Variants in PLCE1 observed in about 807,000 individuals in gnomAD.
The protein encoded by PLCE1 is 1-phosphatidylinositol 4,5-bisphosphate phosphodiesterase epsilon-1.
In PLCE1, 119 loss-of-function variants were observed where a neutral mutation model predicts 242.8. The observed-to-expected ratio is 0.49, with a 90% CI of 0.42 to 0.57. The LOEUF (loss-of-function observed/expected upper bound fraction) is 0.57. Ranked by LOEUF, PLCE1 falls within the 20% of genes least tolerant of loss-of-function variation. The probability of loss-of-function intolerance (pLI) is 0.00; values close to 1 mark genes in which losing one functional copy is unlikely to be tolerated. For synonymous variants in PLCE1, 945 were observed against 1,017.4 expected (o/e 0.93, Z 1.35); for missense variants, 2,441 against 2,788.8 (o/e 0.88, Z 2.81).
At chr10:94,060,695 C>CTT (rs754927815) in intron 2 of PLCE1, among the ~76,000 whole-genome samples, 21 of 139,768 alleles carry the variant, frequency 1.5e-4, no homozygotes, top group African/African-American at 1.6e-4. Flanking sequence ...CATTATTTAA[C>CTT]TTTTTTTTTT....
chr10:94,239,015 A>G (rs1039720885), intron 7 of PLCE1, among the ~76,000 whole-genome samples: 2 of 152,186 alleles, frequency 1.3e-5, no homozygotes, highest in African/African-American at 4.8e-5. Context: ...GAATCTTACT[A>G]AGCCTCAGTT....
intron 2 of PLCE1, among the ~76,000 whole-genome samples, chr10:94,073,404 G>A (rs2044416145): frequency 1.3e-5 from 2 of 152,164 alleles, no homozygotes; most frequent in South Asian, 4.1e-4. Context: ...AAATTGTCAG[G>A]AATGGCTTCA....
intron 3 of PLCE1, among the ~76,000 whole-genome samples, chr10:94,136,512 T>C: frequency 6.6e-6 from 1 of 152,182 alleles, no homozygotes; most frequent in South Asian, 2.1e-4. Flanking sequence ...GCTCCTCTTC[T>C]GGAAGTGGTT....
At chr10:94,010,580 C>T (rs911557940) in intron 1 of PLCE1, among the ~76,000 whole-genome samples, 8 of 152,156 alleles carry the variant, frequency 5.3e-5, no homozygotes, top group Non-Finnish European at 7.3e-5. Flanking sequence ...AATAAGAGTT[C>T]GAACTTTAAG....
intron 7 of PLCE1, among the ~76,000 whole-genome samples, chr10:94,236,934 A>G (rs2050344761): frequency 6.6e-6 from 1 of 152,204 alleles, no homozygotes; most frequent in Non-Finnish European, 1.5e-5. Flanking sequence ...AAGAATAACT[A>G]TGAATAATTG....
chr10:94,003,465 T>A (rs1183633800), intron 1 of PLCE1, among the ~76,000 whole-genome samples: 5 of 152,380 alleles, frequency 3.3e-5, no homozygotes, highest in Non-Finnish European at 7.3e-5. Flanking sequence ...GCAATTCTGC[T>A]GTGGCAGTTC....
At chr10:94,288,988 G>GC (rs2052557082) in intron 22 of PLCE1, among the ~76,000 whole-genome samples, 1 of 152,160 alleles carries the variant, frequency 6.6e-6, no homozygotes, top group African/African-American at 2.4e-5. Context: ...GAGAGCCTTG[G>GC]CCATCCCCCA....
chr10:94,107,870 C>A (rs2045811474), intron 2 of PLCE1: 2 of 152,054 alleles, frequency 1.3e-5, no homozygotes, highest in Non-Finnish European at 2.9e-5. Flanking sequence ...CATGAGATTT[C>A]CTTTGTGAGG....
At chr10:94,125,245 A>G (rs1258093835) in intron 2 of PLCE1, among the ~76,000 whole-genome samples, 2 of 152,234 alleles carry the variant, frequency 1.3e-5, no homozygotes, top group Non-Finnish European at 2.9e-5. Flanking sequence ...ACAAAAAGTG[A>G]TGGAGGGATT....
intron 1 of PLCE1, among the ~76,000 whole-genome samples, chr10:94,001,773 C>G (rs1339856586): frequency 6.6e-6 from 1 of 152,186 alleles, no homozygotes. Context: ...ATTGATTCAG[C>G]GTGTTTTTCA....
chr10:94,329,803 A>AAAAAAAAAC lies in PLCE1; in HGVS notation c.*1862_*1870dup. On this transcript the variant is annotated 3_prime_UTR_variant, in exon 33 of 33. Transcript: ENST00000371380. ...AAAAAAAAAAAAAAAAAAAAAAAAA[A>AAAAAAAAAC]AAAAAAAACACCATACAGCTTTCAT... The AAAAAAAAAC allele has an allele frequency of 6.7e-6, 1 of 149,628 alleles. No homozygotes were observed. Among genetic ancestry groups the AAAAAAAAAC allele is most frequent in the Non-Finnish European group, 1.5e-5 (1 of 67,894 alleles). The allele number at this position is 149,628 out of a possible 1,614,324, so 9.3% of individuals were successfully genotyped here.
chr10:94,286,503 A>G (rs1486296370), intron 22 of PLCE1, among the ~76,000 whole-genome samples: 3 of 152,218 alleles, frequency 2.0e-5, no homozygotes, highest in African/African-American at 7.2e-5. Context: ...AATCACAGTT[A>G]GGTAATAGTG....
chr10:94,275,188 T>G (rs1178098021), intron 19 of PLCE1, among the ~76,000 whole-genome samples: 1 of 152,166 alleles, frequency 6.6e-6, no homozygotes, highest in African/African-American at 2.4e-5. Flanking sequence ...TCTTCCTTCC[T>G]TTTCCTCCTT....
chr10:94,224,003 G>A (rs764445700), intron 4 of PLCE1, among the ~76,000 whole-genome samples: 4 of 151,872 alleles, frequency 2.6e-5, no homozygotes, highest in African/African-American at 9.7e-5. Context: ...TATAACTAGC[G>A]GTGGCCCTCT....
intron 3 of PLCE1, among the ~76,000 whole-genome samples, chr10:94,134,720 G>A (rs1017303762): frequency 2.2e-4 from 34 of 152,154 alleles, no homozygotes; most frequent in African/African-American, 8.2e-4. Context: ...CTGCTGGTGT[G>A]TGCATCTATG....
chr10:94,255,067 T>C lies in PLCE1; in HGVS notation c.3554+18T>C. 1 of 1,613,230 alleles carries C rather than the reference T, an allele frequency of 6.2e-7. No individual in the cohort carries two copies. The highest frequency in any genetic ancestry group is 1.7e-5 in the Admixed American group (1 of 60,014). ...CCATCCAGGTGGGGCCTTAACATGA[T>C]AAAACAGAAGGACCCTTCACATTAT... On this transcript the variant is annotated intron_variant, in intron 11 of 32. Coordinates refer to ENST00000371380, the MANE Select transcript of PLCE1 (RefSeq NM_016341.4).
At position 94,031,485 on chromosome 10, in the gene PLCE1, A is replaced by G; in HGVS notation, c.439A>G (p.Lys147Glu). ...ETGIPSPLER[K>E]VFPGIQLELD... The stretch of plus-strand genomic sequence containing the variant: ...TGGAATTCCTTCTCCACTGGAAAGA[A>G]AGGTGTTCCCTGGAATTCAACTGGA... Residue 147 changes from lysine (K) to glutamate (E), a missense_variant, in exon 2 of 33, where the codon AAG becomes GAG. Around this residue, in one of 5 missense-constraint regions of PLCE1, gnomAD observed 393 missense variants for 378.5 expected, o/e 1.04. Transcript: ENST00000371380. 1 of 1,613,344 alleles carries G rather than the reference A, an allele frequency of 6.2e-7. No individual in the cohort carries two copies. Among genetic ancestry groups the G allele is most frequent in the Non-Finnish European group, 8.5e-7 (1 of 1,179,798 alleles).
intron 2 of PLCE1, among the ~76,000 whole-genome samples, chr10:94,069,562 G>A (rs1371639711): frequency 1.3e-5 from 2 of 152,248 alleles, no homozygotes; most frequent in African/African-American, 2.4e-5. Flanking sequence ...GCAGTGAGCC[G>A]AGAACACACC....
intron 2 of PLCE1, among the ~76,000 whole-genome samples, chr10:94,103,103 G>A (rs931841485): frequency 3.9e-5 from 6 of 152,104 alleles, no homozygotes; most frequent in Admixed American, 1.3e-4. Context: ...GGGCACCTGG[G>A]GACAAGAACA....
Sources: allele counts gnomAD v4.1 joint callset (sites outside exome capture counted in the v4.1 genomes callset), GRCh38; gene constraint gnomAD v4.1.1; regional missense constraint gnomAD v4.1.1; transcripts MANE v1.5; gene names NCBI Gene and HGNC (gene_info 2026-07-23, HGNC 2026-07-21).